The following DENND4C variants were observed in gnomAD, a reference collection of about 807,000 sequenced individuals.
DENND4C encodes DENN domain containing 4C, also known as DENN domain-containing protein 4C.
DENND4C carries 108 observed loss-of-function variants against 203.0 expected under a neutral mutation model. The ratio of observed to expected loss-of-function variants is 0.53; its 90% CI spans 0.46 to 0.62. DENND4C has a LOEUF of 0.62. Ranked by LOEUF, DENND4C falls within the 20% of genes least tolerant of loss-of-function variation. The pLI is 0.00. For synonymous variants in DENND4C, 871 were observed against 792.4 expected, an observed-to-expected ratio of 1.10 and a Z score of -1.67; for missense variants, 2,481 against 2,301.2, an observed-to-expected ratio of 1.08 and a Z score of -1.60.
intron 16 of DENND4C, among the ~76,000 whole-genome samples, chr9:19,328,657 G>GTCTATCTATCTATCTATCTA (rs60484849): frequency 3.4e-5 from 4 of 119,306 alleles, no homozygotes; most frequent in Admixed American, 8.1e-5. Context: ...CTGTCTGTCT[G>GTCTATCTATCTATCTATCTA]TCTATCTATC....
chr9:19,356,859 A>G (rs1825552461), intron 26 of DENND4C, 113 bp from the exon 27 acceptor site: 3 of 1,009,738 alleles, frequency 3.0e-6, no homozygotes, highest in Admixed American at 5.1e-5. Flanking sequence ...CTTCTGGATT[A>G]TATATAATTT....
chr9:19,280,766 G>T (rs1310050697), intron 2 of DENND4C, among the ~76,000 whole-genome samples: 2 of 151,550 alleles, frequency 1.3e-5, no homozygotes, highest in Non-Finnish European at 2.9e-5. Context: ...TTGAGACAGT[G>T]TCTCACTGTG....
intron 1 of DENND4C, among the ~76,000 whole-genome samples, chr9:19,245,925 C>G (rs1825129497): frequency 6.7e-6 from 1 of 150,110 alleles, no homozygotes; most frequent in Non-Finnish European, 1.5e-5. Context: ...CTCACATACT[C>G]CAGTACCCTA....
At chr9:19,263,586 G>T (rs910971640) in intron 1 of DENND4C, among the ~76,000 whole-genome samples, 1 of 150,934 alleles carries the variant, frequency 6.6e-6, no homozygotes, top group Non-Finnish European at 1.5e-5. Flanking sequence ...CTTGAATTAG[G>T]TTTGCTATTG....
At chr9:19,300,755 T>C (rs891004472) in intron 9 of DENND4C, among the ~76,000 whole-genome samples, 10 of 152,186 alleles carry the variant, frequency 6.6e-5, no homozygotes, top group African/African-American at 2.4e-4. Context: ...AAATTCTAAG[T>C]GATTGTGAAA....
In DENND4C at chr9:19,336,783, C is replaced by T. The variant is rs570387726; in HGVS notation, c.2832C>T (p.Phe944=). 4.2e-5 allele frequency: 65 copies of T among 1,550,836 alleles called. No homozygotes were observed. The highest frequency in any genetic ancestry group is 3.8e-4 in the African/African-American group (28 of 73,164). Residue 944 remains phenylalanine (F), a synonymous_variant, in exon 20 of 33, where the codon TTC becomes TTT. Coordinates refer to ENST00000434457, the MANE Select transcript of DENND4C (RefSeq NM_001330640.2). The part of the protein sequence containing the change: ...NDANNGEHTV[F]VRDLIRLESI... Reference sequence around the variant, plus strand: ...CTAACAATGGGGAGCACACAGTCTTCGTCAGAGATTTAATCAGGCTTGAGT... The same window carrying T: ...CTAACAATGGGGAGCACACAGTCTTTGTCAGAGATTTAATCAGGCTTGAGT...
chr9:19,302,600 T>A (rs138597736), intron 9 of DENND4C, among the ~76,000 whole-genome samples: 84 of 151,972 alleles, frequency 5.5e-4, no homozygotes, highest in African/African-American at 1.8e-3. Context: ...CCTTTGTGAG[T>A]GATAGTTGCA....
intron 29 of DENND4C, 125 bp downstream of exon 29, chr9:19,360,614 T>C: frequency 1.5e-6 from 2 of 1,303,680 alleles, no homozygotes; most frequent in South Asian, 2.6e-5. Flanking sequence ...CTTAAAAGTT[T>C]GGATAAGCAG....
rs896979643 is a variant in DENND4C, at chr9:19,372,359, T to C, written c.*186T>C. 6.3e-6 allele frequency: 4 copies of C among 630,972 alleles called. No individual in the cohort carries two copies. The highest frequency in any genetic ancestry group is 9.7e-6 in the Non-Finnish European group (4 of 411,096). 39.1% of individuals were successfully genotyped at this position (630,972 alleles called of 1,614,324 possible). On this transcript the variant is annotated 3_prime_UTR_variant, in exon 33 of 33. Coordinates refer to ENST00000434457, the MANE Select transcript of DENND4C (RefSeq NM_001330640.2). ...TGAAATATGAAGTGCCATTTGAATG[T>C]CCCAGGGCTTATTAATATTGAAGAT...
At chr9:19,357,562 G>A (rs139382766) in intron 27 of DENND4C, 11 of 210,302 alleles carry the variant, frequency 5.2e-5, no homozygotes, top group Admixed American at 4.7e-4. Context: ...ATATGACTGG[G>A]TCTCTCTCCT....
At chr9:19,268,191 T>G (rs1411939060) in intron 1 of DENND4C, among the ~76,000 whole-genome samples, 1 of 151,804 alleles carries the variant, frequency 6.6e-6, no homozygotes, top group Non-Finnish European at 1.5e-5. Flanking sequence ...CCTCGACCTC[T>G]CCGGCTTAAG....
At chr9:19,245,563 T>C (rs577838139) in intron 1 of DENND4C, among the ~76,000 whole-genome samples, 5 of 138,338 alleles carry the variant, frequency 3.6e-5, no homozygotes, top group African/African-American at 1.1e-4. Context: ...ACTTAAAAAA[T>C]TGTAAGCATT....
rs1003090876 is a variant in DENND4C, at chr9:19,314,242, C to G, written c.1488-2175C>G. ...GGCTGATGCAGGCGGATCACGAGGTCAGGAGATCGAGACCATCCTGGCTAA... is the reference window on the plus strand; with the variant it reads ...GGCTGATGCAGGCGGATCACGAGGTGAGGAGATCGAGACCATCCTGGCTAA... On this transcript the variant is annotated intron_variant, in intron 10 of 32. Transcript: ENST00000434457. Among the ~76,000 whole-genome samples, 22 of 152,186 alleles carry G rather than the reference C, an allele frequency of 1.4e-4. 2 individuals carry two copies. The highest frequency in any genetic ancestry group is 4.6e-4 in the Admixed American group (7 of 15,300).
At position 19,361,843 on chromosome 9, in the gene DENND4C, T is replaced by C. The variant is rs1465976801; in HGVS notation, c.5407-3T>C. 2 of 1,549,414 alleles carry C rather than the reference T, an allele frequency of 1.3e-6. No individual in the cohort carries two copies. Among genetic ancestry groups the C allele is most frequent in the Admixed American group, 1.7e-5 (1 of 59,716 alleles). On this transcript the variant is annotated splice_region_variant and splice_polypyrimidine_tract_variant and intron_variant, in intron 29 of 32. Coordinates refer to ENST00000434457, the MANE Select transcript of DENND4C (RefSeq NM_001330640.2). Reference sequence around the variant, plus strand: ...ACTAATACTTTCTTTTGATTTCTTTTAGCTTCCTCTGTCATCTCTGTCCCA... The same window carrying C: ...ACTAATACTTTCTTTTGATTTCTTTCAGCTTCCTCTGTCATCTCTGTCCCA...
chr9:19,306,128 G>A (rs1277433957), intron 10 of DENND4C, among the ~76,000 whole-genome samples: 1 of 152,146 alleles, frequency 6.6e-6, no homozygotes, highest in Non-Finnish European at 1.5e-5. Context: ...ATGTTTAAGG[G>A]TTACCACTTC....
chr9:19,262,231 C>A (rs1271387598), intron 1 of DENND4C, among the ~76,000 whole-genome samples: 1 of 151,228 alleles, frequency 6.6e-6, no homozygotes, highest in Non-Finnish European at 1.5e-5. Context: ...GCACTACAGG[C>A]GTGTGCCAGC....
chr9:19,368,339 A>G (rs547277328), intron 30 of DENND4C, among the ~76,000 whole-genome samples: 22 of 151,504 alleles, frequency 1.5e-4, no homozygotes, highest in African/African-American at 3.4e-4. Context: ...ACACAATACA[A>G]TATAATTAAA....
At chr9:19,341,137 C>G in intron 21 of DENND4C, 23 bp downstream of exon 21, 1 of 1,574,912 alleles carries the variant, frequency 6.3e-7, no homozygotes, top group Non-Finnish European at 8.6e-7. Flanking sequence ...TATTTACGAA[C>G]TTTACTTAGA....
intron 9 of DENND4C, 35 bp downstream of exon 9, chr9:19,300,366 C>T (rs749382840): frequency 3.8e-5 from 55 of 1,461,520 alleles, no homozygotes; most frequent in Admixed American, 1.0e-4. Flanking sequence ...TACAAAATTA[C>T]TGACATAATT....
Sources: gnomAD v4.1 joint callset for allele counts (sites outside exome capture counted in the v4.1 genomes callset) on GRCh38, gnomAD v4.1.1 for gene constraint, MANE v1.5 for transcripts, NCBI Gene and HGNC (gene_info 2026-07-23, HGNC 2026-07-21) for gene names.